The following PLCL1 variants were observed in gnomAD, a reference collection of about 807,000 sequenced individuals.
PLCL1 encodes the protein inactive phospholipase C-like protein 1.
In PLCL1, 41 loss-of-function variants were observed where a neutral mutation model predicts 84.4. The ratio of observed to expected loss-of-function variants is 0.49; its 90% CI spans 0.38 to 0.63. PLCL1 has a LOEUF of 0.63. PLCL1 is among the 30% of genes least tolerant of loss of function. PLCL1 has a pLI of 0.00. For missense variants in PLCL1, 1,206 were observed against 1,367.8 expected, an observed-to-expected ratio of 0.88 and a Z score of 1.87; for synonymous variants, 490 against 488.3, an observed-to-expected ratio of 1.00 and a Z score of -0.05.
At chr2:198,130,931 A>G (rs1307314381) in intron 5 of PLCL1, among the ~76,000 whole-genome samples, 1 of 152,078 alleles carries the variant, frequency 6.6e-6, no homozygotes, top group African/African-American at 2.4e-5. Flanking sequence ...GGTCATGGCC[A>G]TTCTCCCTTC....
At chr2:197,934,028 C>T (rs934106914) in intron 1 of PLCL1, among the ~76,000 whole-genome samples, 7 of 152,236 alleles carry the variant, frequency 4.6e-5, no homozygotes, top group Non-Finnish European at 1.0e-4. Flanking sequence ...AGCATTTTGG[C>T]TCAACACACT....
chr2:198,122,588 C>T (rs1053617991), intron 5 of PLCL1, among the ~76,000 whole-genome samples: 19 of 152,068 alleles, frequency 1.2e-4, no homozygotes, highest in Non-Finnish European at 1.8e-4. Context: ...GAATAATCCT[C>T]TCATCTTGAG....
At position 197,920,811 on chromosome 2, in the gene PLCL1, T is replaced by A. The variant is rs148240433; in HGVS notation, c.240+115472T>A. The stretch of plus-strand genomic sequence containing the variant: ...ATCCAGCATTATTTGCAAGCCAATG[T>A]AATGTTCTTTGCAAACCATGAAAGC... On this transcript the variant is annotated intron_variant, in intron 1 of 5. Transcript: ENST00000428675. 5.8e-4 allele frequency among the ~76,000 whole-genome samples: 89 copies of A among 152,380 alleles called. 4 individuals carry two copies. In the South Asian group the frequency reaches 0.014, roughly 24 times the overall value.
chr2:198,049,015 G>A (rs983937747), intron 1 of PLCL1, among the ~76,000 whole-genome samples: 9 of 152,178 alleles, frequency 5.9e-5, no homozygotes, highest in African/African-American at 1.9e-4. Flanking sequence ...GGAGATAAGG[G>A]TGGGAGAGTG....
intron 1 of PLCL1, among the ~76,000 whole-genome samples, chr2:197,924,806 G>T (rs1444235502): frequency 6.6e-6 from 1 of 151,982 alleles, no homozygotes; most frequent in Non-Finnish European, 1.5e-5. Flanking sequence ...AAAACCCAGA[G>T]CATTTCAGGT....
intron 1 of PLCL1, among the ~76,000 whole-genome samples, chr2:197,939,343 C>T (rs1030019825): frequency 3.9e-5 from 6 of 152,230 alleles, no homozygotes; most frequent in Non-Finnish European, 5.9e-5. Flanking sequence ...GGGTTGCCTC[C>T]GCAATTACAA....
At chr2:198,074,813 A>G (rs1474804622) in intron 1 of PLCL1, among the ~76,000 whole-genome samples, 1 of 152,244 alleles carries the variant, frequency 6.6e-6, no homozygotes, top group East Asian at 1.9e-4. Flanking sequence ...AATTTTTCAG[A>G]TAAAGTATTT....
At chr2:197,825,068 T>C (rs1470068240) in intron 1 of PLCL1, among the ~76,000 whole-genome samples, 1 of 152,190 alleles carries the variant, frequency 6.6e-6, no homozygotes, top group Non-Finnish European at 1.5e-5. Flanking sequence ...TTTTTTGCCT[T>C]AGGTGTTTGT....
At chr2:198,133,192 A>G (rs989635854) in intron 5 of PLCL1, among the ~76,000 whole-genome samples, 1 of 152,056 alleles carries the variant, frequency 6.6e-6, no homozygotes, top group African/African-American at 2.4e-5. Context: ...AATACTATGC[A>G]GCCATAAAAA....
intron 1 of PLCL1, among the ~76,000 whole-genome samples, chr2:198,068,744 A>T (rs970092890): frequency 6.6e-6 from 1 of 152,196 alleles, no homozygotes; most frequent in Non-Finnish European, 1.5e-5. Context: ...AAAAATTGCC[A>T]CTGAGGCGGG....
intron 1 of PLCL1, among the ~76,000 whole-genome samples, chr2:198,020,476 C>A (rs955263014): frequency 1.3e-5 from 2 of 151,618 alleles, no homozygotes; most frequent in African/African-American, 4.9e-5. Context: ...TATTGGTGTG[C>A]TGTATTCAGG....
rs141506090 is a variant in PLCL1, at chr2:197,881,770, A to G, written c.240+76431A>G. On this transcript the variant is annotated intron_variant, in intron 1 of 5. Coordinates refer to ENST00000428675, the MANE Select transcript of PLCL1 (RefSeq NM_006226.4). Reference sequence around the variant, plus strand: ...CTTTTTATTATAGATAACTTTGACCACACACAAAAGCAGACAGATCAGTAA... The same window carrying G: ...CTTTTTATTATAGATAACTTTGACCGCACACAAAAGCAGACAGATCAGTAA... Among the ~76,000 whole-genome samples the G allele has an allele frequency of 5.9e-5, 9 of 152,186 alleles. No individual in the cohort carries two copies. In the East Asian group the frequency reaches 7.7e-4, roughly 13 times the overall value.
intron 5 of PLCL1, among the ~76,000 whole-genome samples, chr2:198,113,741 C>T (rs1693674933): frequency 6.6e-6 from 1 of 151,904 alleles, no homozygotes; most frequent in African/African-American, 2.4e-5. Context: ...ACCTCTTCAA[C>T]ATGGTCTGGG....
chr2:197,907,350 T>C (rs1173034209), intron 1 of PLCL1, among the ~76,000 whole-genome samples: 1 of 152,146 alleles, frequency 6.6e-6, no homozygotes, highest in Non-Finnish European at 1.5e-5. Flanking sequence ...GCCATTCTCC[T>C]GCCTCAGCCA....
At chr2:197,923,194 G>C in intron 1 of PLCL1, among the ~76,000 whole-genome samples, 1 of 144,050 alleles carries the variant, frequency 6.9e-6, no homozygotes, top group Non-Finnish European at 1.5e-5. Context: ...GGGGCGGCTG[G>C]CCGGGCGGGG....
At chr2:198,040,551 G>A (rs1000727860) in intron 1 of PLCL1, among the ~76,000 whole-genome samples, 6 of 152,098 alleles carry the variant, frequency 3.9e-5, no homozygotes, top group African/African-American at 1.4e-4. Context: ...CTTGGTGGGT[G>A]GAATTTCCGT....
intron 1 of PLCL1, among the ~76,000 whole-genome samples, chr2:198,044,396 T>C (rs1032806787): frequency 6.6e-6 from 1 of 152,190 alleles, no homozygotes; most frequent in Non-Finnish European, 1.5e-5. Flanking sequence ...GTGTGTTGCA[T>C]GGTTTCCTAA....
chr2:198,093,711 A>C (rs1693112607), intron 3 of PLCL1, among the ~76,000 whole-genome samples: 1 of 152,206 alleles, frequency 6.6e-6, no homozygotes, highest in African/African-American at 2.4e-5. Flanking sequence ...AAAATGCAGA[A>C]TATGTTTAGA....
chr2:198,042,247 A>G (rs1048738138), intron 1 of PLCL1, among the ~76,000 whole-genome samples: 1 of 152,138 alleles, frequency 6.6e-6, no homozygotes, highest in Non-Finnish European at 1.5e-5. Context: ...ATTGTTTCTG[A>G]TACTGCTGAA....
Sources: allele counts gnomAD v4.1 joint callset (sites outside exome capture counted in the v4.1 genomes callset), GRCh38; gene constraint gnomAD v4.1.1; transcripts MANE v1.5; gene names NCBI Gene and HGNC (gene_info 2026-07-23, HGNC 2026-07-21).